The following TOX variants were observed in gnomAD, a reference collection of about 807,000 sequenced individuals.
TOX encodes thymocyte selection associated high mobility group box.
TOX carries 11 observed loss-of-function variants against 53.7 expected under a neutral mutation model. That is an observed-to-expected ratio of 0.20 (90% CI 0.13 to 0.34). TOX has a LOEUF of 0.34. TOX is among the 10% of genes least tolerant of loss of function. TOX has a pLI of 1.00. For synonymous variants in TOX, 225 were observed against 245.3 expected (o/e 0.92, Z 0.77); for missense variants, 570 against 664.6 (o/e 0.86, Z 1.56).
intron 1 of TOX, among the ~76,000 whole-genome samples, chr8:58,975,611 A>C (rs1813082388): frequency 6.6e-6 from 1 of 152,206 alleles, no homozygotes; most frequent in Non-Finnish European, 1.5e-5. Context: ...AAAAATGTGC[A>C]TACCTTAATT....
intron 6 of TOX, among the ~76,000 whole-genome samples, chr8:58,823,286 C>A (rs1349844675): frequency 1.3e-5 from 2 of 152,068 alleles, no homozygotes; most frequent in Non-Finnish European, 2.9e-5. Context: ...GCAGGTGGTA[C>A]AATCTTGGCT....
rs1263844993 is a variant in TOX, at chr8:58,851,076, C to T, written c.693+448G>A. 1.3e-5 allele frequency among the ~76,000 whole-genome samples: 2 copies of T among 152,108 alleles called. No homozygotes were observed. The highest frequency in any genetic ancestry group is 2.1e-4 in the South Asian group (1 of 4,816). On this transcript the variant is annotated intron_variant, in intron 4 of 8. Transcript: ENST00000361421. The surrounding 1 kb of genome is among the most constrained non-coding windows in gnomAD (Gnocchi z 4.4). Reference sequence around the variant, plus strand: ...TAATATCCCTGGCACTTACTTTCCACGTCCTCAATATGAAATGGTTGGGTC... The same window carrying T: ...TAATATCCCTGGCACTTACTTTCCATGTCCTCAATATGAAATGGTTGGGTC...
intron 1 of TOX, among the ~76,000 whole-genome samples, chr8:59,107,318 C>T (rs1804931692): frequency 3.3e-5 from 5 of 152,060 alleles, no homozygotes; most frequent in Admixed American, 3.3e-4. Flanking sequence ...CTGCTCATAA[C>T]TTAGTTTCTG....
At chr8:58,998,540 A>ATATATAT (rs1813621315) in intron 1 of TOX, among the ~76,000 whole-genome samples, 1 of 117,870 alleles carries the variant, frequency 8.5e-6, no homozygotes, top group African/African-American at 3.9e-5. Context: ...TATATATATA[A>ATATATAT]ATTTATATAT....
At chr8:58,893,786 T>A (rs1183239750) in intron 3 of TOX, among the ~76,000 whole-genome samples, 1 of 152,156 alleles carries the variant, frequency 6.6e-6, no homozygotes, top group East Asian at 1.9e-4. Context: ...AACTGAACAT[T>A]GGACTGGACT....
intron 3 of TOX, among the ~76,000 whole-genome samples, chr8:58,908,438 C>T (rs1811855946): frequency 6.6e-6 from 1 of 152,128 alleles, no homozygotes; most frequent in South Asian, 2.1e-4. Flanking sequence ...TGCCTTTTTC[C>T]AGCCACGCTG....
chr8:58,815,839 T>C, intron 6 of TOX, 115 bp from the exon 7 acceptor site: 1 of 1,123,042 alleles, frequency 8.9e-7, no homozygotes, highest in Non-Finnish European at 1.2e-6. Flanking sequence ...CCCATGACTA[T>C]CCCGGACTCT....
chr8:58,908,999 C>T (rs1271933279), intron 3 of TOX, among the ~76,000 whole-genome samples: 3 of 152,216 alleles, frequency 2.0e-5, no homozygotes, highest in African/African-American at 4.8e-5. Flanking sequence ...GCTATCTTCC[C>T]TTTGTAGGAA....
At chr8:59,016,098 C>T (rs760128087) in intron 1 of TOX, among the ~76,000 whole-genome samples, 6 of 151,944 alleles carry the variant, frequency 3.9e-5, no homozygotes, top group Non-Finnish European at 7.4e-5. Flanking sequence ...AAAATGTAGT[C>T]ACTAAATTGG....
intron 3 of TOX, among the ~76,000 whole-genome samples, chr8:58,899,218 T>G (rs1177764259): frequency 6.6e-6 from 1 of 152,250 alleles, no homozygotes; most frequent in Non-Finnish European, 1.5e-5. Context: ...TCCCGCTTTC[T>G]ACTAACTGGC....
At chr8:59,019,362 C>A (rs913850747) in intron 1 of TOX, among the ~76,000 whole-genome samples, 1 of 151,930 alleles carries the variant, frequency 6.6e-6, no homozygotes, top group African/African-American at 2.4e-5. Context: ...CTAAGTGGAA[C>A]CAAAAAAATC....
intron 3 of TOX, among the ~76,000 whole-genome samples, chr8:58,922,168 A>AAGCC (rs77288081): frequency 0.26 from 38,762 of 151,964 alleles, 6,008 homozygotes; most frequent in East Asian, 0.4. Context: ...TGTGGCTGAT[A>AAGCC]AGCCAGTATC....
chr8:59,025,797 C>T (rs1814224782), intron 1 of TOX, among the ~76,000 whole-genome samples: 1 of 152,182 alleles, frequency 6.6e-6, no homozygotes. Flanking sequence ...TGTCACTGCA[C>T]TTCTCATACT....
chr8:58,854,359 A>G (rs1476546056), intron 3 of TOX, among the ~76,000 whole-genome samples: 1 of 152,188 alleles, frequency 6.6e-6, no homozygotes, highest in African/African-American at 2.4e-5. Context: ...GTGGAGTTCC[A>G]GATTTATGAC....
chr8:59,011,833 T>C (rs1813910750), intron 1 of TOX, among the ~76,000 whole-genome samples: 1 of 152,180 alleles, frequency 6.6e-6, no homozygotes, highest in Admixed American at 6.5e-5. Flanking sequence ...CACATCTTAA[T>C]GTCTCTCCTG....
intron 1 of TOX, among the ~76,000 whole-genome samples, chr8:59,062,827 AAAGTT>A (rs1242935078): frequency 6.6e-6 from 1 of 152,140 alleles, no homozygotes; most frequent in African/African-American, 2.4e-5. Context: ...AGAGAGAAAG[AAAGTT>A]AAAATTACAA....
At chr8:59,048,951 T>C (rs1332377832) in intron 1 of TOX, among the ~76,000 whole-genome samples, 3 of 152,210 alleles carry the variant, frequency 2.0e-5, no homozygotes, top group Admixed American at 6.5e-5. Flanking sequence ...AATAAAAATG[T>C]ATTTTCGAAA....
intron 1 of TOX, among the ~76,000 whole-genome samples, chr8:58,979,826 T>C (rs1009584826): frequency 2.0e-5 from 3 of 152,190 alleles, no homozygotes; most frequent in African/African-American, 7.2e-5. Flanking sequence ...ACTTTTTCTC[T>C]CTGTAAAATG....
chr8:59,085,444 A>G (rs548727860), intron 1 of TOX, among the ~76,000 whole-genome samples: 1 of 151,734 alleles, frequency 6.6e-6, no homozygotes, highest in South Asian at 2.1e-4. Context: ...GCTGGAGTGC[A>G]GTGGCACGAG....
Sources: allele counts gnomAD v4.1 joint callset (sites outside exome capture counted in the v4.1 genomes callset), GRCh38; gene constraint gnomAD v4.1.1; non-coding constraint Gnocchi (gnomAD v3.1); transcripts MANE v1.5; gene names NCBI Gene and HGNC (gene_info 2026-07-23, HGNC 2026-07-21).